The following ENTREP1 variants were observed in gnomAD, a reference collection of about 807,000 sequenced individuals.
The protein encoded by ENTREP1 is Friedreich ataxia region gene X123.
the ENTREP1 span, chr9:69,371,271 A>T: frequency 1.8e-6 from 1 of 556,450 alleles, no homozygotes; most frequent in Non-Finnish European, 3.2e-6. Flanking sequence ...AAGAGAGAAA[A>T]ATAAGGACTT....
the ENTREP1 span, chr9:69,325,140 A>C: frequency 9.7e-7 from 1 of 1,030,562 alleles, no homozygotes; most frequent in Non-Finnish European, 1.2e-6. Flanking sequence ...GAGCCAGGGC[A>C]GCGGCAGCGG....
the ENTREP1 span, among the ~76,000 whole-genome samples, chr9:69,340,687 G>GTGTGTA: frequency 5.7e-5 from 8 of 141,186 alleles, no homozygotes; most frequent in African/African-American, 2.2e-4. Context: ...GCATGCATGT[G>GTGTGTA]TGTGTGTATG....
the ENTREP1 span, among the ~76,000 whole-genome samples, chr9:69,345,554 A>G: frequency 3.3e-5 from 5 of 152,152 alleles, no homozygotes; most frequent in Non-Finnish European, 5.9e-5. Flanking sequence ...AAGAGGGAAA[A>G]TATTTTTTAT....
the ENTREP1 span, among the ~76,000 whole-genome samples, chr9:69,367,355 A>G: frequency 1.3e-5 from 2 of 151,438 alleles, no homozygotes; most frequent in Non-Finnish European, 2.9e-5. Flanking sequence ...TTTTGGTTTC[A>G]TATGAATTTT....
chr9:69,369,993 C>A, the ENTREP1 span, among the ~76,000 whole-genome samples: 1 of 152,162 alleles, frequency 6.6e-6, no homozygotes, highest in African/African-American at 2.4e-5. Context: ...TTCTACCAGT[C>A]TGTAGCTTGC....
At chr9:69,391,371 A>G in the ENTREP1 span, among the ~76,000 whole-genome samples, 1 of 152,246 alleles carries the variant, frequency 6.6e-6, no homozygotes, top group African/African-American at 2.4e-5. Flanking sequence ...GCAACGGACA[A>G]ACCAGTTAAG....
chr9:69,352,834 T>C, the ENTREP1 span, among the ~76,000 whole-genome samples: 98 of 152,214 alleles, frequency 6.4e-4, no homozygotes, highest in African/African-American at 2.2e-3. Flanking sequence ...ACCCCCAATA[T>C]GCCAAAAAGA....
chr9:69,381,936 T>TA, the ENTREP1 span: 1 of 152,254 alleles, frequency 6.6e-6, no homozygotes, highest in African/African-American at 2.4e-5. Flanking sequence ...GTTTAGGATC[T>TA]AAAACAGAGC....
the ENTREP1 span, chr9:69,392,215 T>G: frequency 4.9e-6 from 1 of 205,596 alleles, no homozygotes; most frequent in Non-Finnish European, 9.9e-6. Flanking sequence ...CCTTTGGCCT[T>G]TCACTGCTCT....
chr9:69,374,947 C>T, the ENTREP1 span, among the ~76,000 whole-genome samples: 3,383 of 152,304 alleles, frequency 0.022, 110 homozygotes, highest in African/African-American at 0.076. Context: ...GCACAGTGCA[C>T]AGTTGCCTGG....
At chr9:69,392,206 C>G in the ENTREP1 span, 1 of 215,898 alleles carries the variant, frequency 4.6e-6, no homozygotes, top group African/African-American at 2.3e-5. Context: ...TTATAGTTGC[C>G]TTTGGCCTTT....
the ENTREP1 span, among the ~76,000 whole-genome samples, chr9:69,328,456 G>A: frequency 6.6e-6 from 1 of 151,936 alleles, no homozygotes; most frequent in Non-Finnish European, 1.5e-5. Context: ...TAATGATCCC[G>A]CATTTTACCC....
At chr9:69,331,512 A>AAAATTGT in the ENTREP1 span, among the ~76,000 whole-genome samples, 9 of 152,194 alleles carry the variant, frequency 5.9e-5, no homozygotes, top group Non-Finnish European at 1.3e-4. Flanking sequence ...GAGTGAAACA[A>AAAATTGT]AAATTGTAAT....
chr9:69,336,682 T>A, the ENTREP1 span, among the ~76,000 whole-genome samples: 1 of 152,064 alleles, frequency 6.6e-6, no homozygotes, highest in South Asian at 2.1e-4. Context: ...TTTCCTCTCA[T>A]ATTCTTTTTT....
chr9:69,329,668 A>G, the ENTREP1 span: 5 of 985,458 alleles, frequency 5.1e-6, no homozygotes, highest in Non-Finnish European at 6.0e-6. Flanking sequence ...GAGATGAGCC[A>G]TCTTGAAAAA....
the ENTREP1 span, chr9:69,375,806 A>C: frequency 6.2e-7 from 1 of 1,614,146 alleles, no homozygotes; most frequent in African/African-American, 1.3e-5. Context: ...ACAGACAAAG[A>C]AAATGCCTTG....
chr9:69,332,485 A>C, the ENTREP1 span, among the ~76,000 whole-genome samples: 1 of 152,242 alleles, frequency 6.6e-6, no homozygotes, highest in Non-Finnish European at 1.5e-5. Flanking sequence ...TATTCATTTA[A>C]TATTGCGCAA....
the ENTREP1 span, chr9:69,377,686 G>A: frequency 3.7e-6 from 6 of 1,613,992 alleles, no homozygotes; most frequent in African/African-American, 6.7e-5. Context: ...TGTGCCGCCT[G>A]TGCCTCCCCC....
the ENTREP1 span, chr9:69,377,507 G>A: frequency 4.4e-6 from 7 of 1,608,370 alleles, no homozygotes; most frequent in South Asian, 2.2e-5. Flanking sequence ...TCATGGCCAC[G>A]TTTCCGCTGA....
Sources: allele counts gnomAD v4.1 joint callset (sites outside exome capture counted in the v4.1 genomes callset), GRCh38; gene constraint gnomAD v4.1.1; transcripts MANE v1.5; gene names NCBI Gene and HGNC (gene_info 2026-07-23, HGNC 2026-07-21).